Variants in USP32 observed in about 807,000 individuals in gnomAD.
The protein encoded by USP32 is ubiquitin carboxyl-terminal hydrolase 32.
In USP32, 59 loss-of-function variants were observed where a neutral mutation model predicts 204.8. The observed-to-expected ratio is 0.29, with a 90% confidence interval of 0.23 to 0.36. The LOEUF (loss-of-function observed/expected upper bound fraction) is 0.36, where lower values mean the gene tolerates loss of function less well. Ranked by LOEUF, USP32 falls within the 10% of genes least tolerant of loss-of-function variation. USP32 has a pLI of 1.00. For missense variants in USP32, 1,160 were observed against 1,946.4 expected, an observed-to-expected ratio of 0.60 and a Z score of 7.60; for synonymous variants, 517 against 678.4, an observed-to-expected ratio of 0.76 and a Z score of 3.70.
intron 11 of USP32, among the ~76,000 whole-genome samples, chr17:60,241,571 G>C (rs1191477994): frequency 6.6e-6 from 1 of 152,050 alleles, no homozygotes; most frequent in African/African-American, 2.4e-5. Flanking sequence ...CAGGCTCTTA[G>C]AGCTACCCAC....
intron 2 of USP32, among the ~76,000 whole-genome samples, chr17:60,330,904 C>T (rs575542661): frequency 2.2e-4 from 34 of 152,334 alleles, no homozygotes; most frequent in South Asian, 2.1e-3. Flanking sequence ...CTTCTCCCCT[C>T]CATTCCAGGC....
In USP32 at chr17:60,265,962, C is replaced by G; in HGVS notation, c.927+14G>C. 1 of 1,594,978 alleles carries G rather than the reference C, an allele frequency of 6.3e-7. No individual in the cohort carries two copies. Among genetic ancestry groups the G allele is most frequent in the Non-Finnish European group, 8.6e-7 (1 of 1,163,942 alleles). On this transcript the variant is annotated intron_variant, in intron 8 of 33. Transcript: ENST00000300896. The stretch of plus-strand genomic sequence containing the variant: ...AAGTTTATACGCAACAAGACATACA[C>G]AATCATAACTTACAGGAATATCATC...
chr17:60,418,918 A>C (rs1225447581), intron 1 of USP32, among the ~76,000 whole-genome samples: 1 of 152,228 alleles, frequency 6.6e-6, no homozygotes, highest in African/African-American at 2.4e-5. Context: ...TGTTGGTAGG[A>C]GTGTAAATTA....
intron 31 of USP32, 129 bp from the exon 32 acceptor site, chr17:60,181,877 C>T: frequency 7.2e-7 from 1 of 1,388,876 alleles, no homozygotes; most frequent in South Asian, 1.5e-5. Flanking sequence ...TCGTGACTGG[C>T]TACTCTTTAG....
At position 60,392,117 on chromosome 17, in the gene USP32, C is replaced by A. The variant is rs1026647794; in HGVS notation, c.-178G>T. The A allele has an allele frequency of 8.2e-6, 5 of 610,548 alleles. No homozygotes were observed. Among genetic ancestry groups the A allele is most frequent in the Non-Finnish European group, 1.4e-5 (5 of 358,644 alleles). 37.8% of individuals were successfully genotyped at this position (610,548 alleles called of 1,614,324 possible). A position where few individuals can be genotyped will look rare whatever the true frequency, so the allele number is the denominator to read the frequency against. On this transcript the variant is annotated 5_prime_UTR_variant, in exon 1 of 34. In the 5' UTR this introduces an upstream ATG that the reference lacks. Transcript: ENST00000300896. ...GGCTCCTCCCGGTCGCCGCCACCGC[C>A]TCCATGCCGGATCACGTGACTCTTC...
At chr17:60,267,170 G>A (rs2086614183) in intron 7 of USP32, among the ~76,000 whole-genome samples, 1 of 151,976 alleles carries the variant, frequency 6.6e-6, no homozygotes, top group South Asian at 2.1e-4. Flanking sequence ...TACTTTGGGA[G>A]GCCGAGGTGG....
chr17:60,368,424 A>G (rs1035740628), intron 1 of USP32, among the ~76,000 whole-genome samples: 2 of 152,190 alleles, frequency 1.3e-5, no homozygotes, highest in Non-Finnish European at 2.9e-5. Flanking sequence ...AAATCCCAAT[A>G]TAAACATTTA....
Position 60,208,117 on chromosome 17 carries a change from A to T in USP32, c.2867T>A (p.Leu956His). The change falls in exon 24 of 34, where the codon CTC becomes CAC. Residue 956 changes from leucine (L) to histidine (H), a missense_variant. Physicochemically the swap from Leu to His is moderately conservative, Grantham distance 99. Transcript: ENST00000300896. ...GATTTGTTCTGAATTAAGTCCACAG[A>T]GATCACTCAGCTGTTTTTTTAAACC... Reference protein sequence around the residue: ...YTGLKKQLSDLCGLNSEQILL... With the variant: ...YTGLKKQLSDHCGLNSEQILL... The T allele has an allele frequency of 1.2e-6, 2 of 1,603,752 alleles. No homozygotes were observed. The highest frequency in any genetic ancestry group is 1.7e-5 in the Admixed American group (1 of 58,802).
chr17:60,208,881 T>C, intron 22 of USP32, 53 bp from the exon 23 acceptor site: 1 of 1,481,632 alleles, frequency 6.7e-7, no homozygotes. Context: ...GAGAAGCATT[T>C]CTATATAAAT....
At position 60,211,445 on chromosome 17, in the gene USP32, T is replaced by C. The variant is rs2084965520; in HGVS notation, c.2249A>G (p.Gln750Arg). 6.2e-7 allele frequency: 1 copy of C among 1,613,748 alleles called. No homozygotes were observed. The highest frequency in any genetic ancestry group is 8.5e-7 in the Non-Finnish European group (1 of 1,179,816). Residue 750 changes from glutamine to arginine, a missense_variant, in exon 20 of 34, where the codon CAG becomes CGG. Gln to Arg is a conservative substitution (Grantham distance 43). Coordinates refer to ENST00000300896, the MANE Select transcript of USP32 (RefSeq NM_032582.4). Reference sequence around the variant, plus strand: ...CAGTGGCTGTGTGTTACTAACACACTGGATGCTTGAGTTCATGAAGCATGT... The same window carrying C: ...CAGTGGCTGTGTGTTACTAACACACCGGATGCTTGAGTTCATGAAGCATGT... ...GNTCFMNSSIQCVSNTQPLTQ... is the reference protein window; with the variant it reads ...GNTCFMNSSIRCVSNTQPLTQ...
At chr17:60,371,023 G>A (rs1214361648) in intron 1 of USP32, among the ~76,000 whole-genome samples, 1 of 151,280 alleles carries the variant, frequency 6.6e-6, no homozygotes, top group African/African-American at 2.4e-5. Context: ...AGACCAGGAG[G>A]TTGAGACTAT....
intron 9 of USP32, among the ~76,000 whole-genome samples, chr17:60,257,319 G>A (rs1306951662): frequency 6.6e-6 from 1 of 152,126 alleles, no homozygotes; most frequent in East Asian, 1.9e-4. Flanking sequence ...ATGTTACTTC[G>A]TGGATCACAT....
intron 1 of USP32, among the ~76,000 whole-genome samples, chr17:60,379,167 T>C (rs2089604706): frequency 6.6e-6 from 1 of 152,156 alleles, no homozygotes; most frequent in East Asian, 1.9e-4. Flanking sequence ...CTCAAAGATA[T>C]GAGAAAAGCT....
intron 1 of USP32, among the ~76,000 whole-genome samples, chr17:60,362,105 G>A (rs2089219604): frequency 6.6e-6 from 1 of 151,992 alleles, no homozygotes; most frequent in African/African-American, 2.4e-5. Flanking sequence ...TAATCAAAAT[G>A]AACCACCCCA....
chr17:60,298,160 TG>T (rs1312849447), intron 3 of USP32, among the ~76,000 whole-genome samples: 1 of 152,192 alleles, frequency 6.6e-6, no homozygotes, highest in Non-Finnish European at 1.5e-5. Context: ...AAAGTAAACA[TG>T]GGACACATAT....
intron 2 of USP32, among the ~76,000 whole-genome samples, chr17:60,320,988 A>G (rs951833736): frequency 1.3e-5 from 2 of 152,110 alleles, no homozygotes; most frequent in Admixed American, 1.3e-4. Context: ...TACCTCCTAC[A>G]GCTTGGCTCC....
chr17:60,363,093 C>T (rs893471574), intron 1 of USP32, among the ~76,000 whole-genome samples: 5 of 151,966 alleles, frequency 3.3e-5, no homozygotes, highest in African/African-American at 1.2e-4. Flanking sequence ...AGTTCAAGAT[C>T]AGCCTGGGCA....
intron 9 of USP32, among the ~76,000 whole-genome samples, chr17:60,261,683 C>CA (rs777192438): frequency 6.6e-6 from 1 of 151,366 alleles, no homozygotes; most frequent in African/African-American, 2.4e-5. Context: ...AACAAAAAAA[C>CA]AAAAAAAGGA....
chr17:60,291,492 T>G (rs913655468), intron 4 of USP32, among the ~76,000 whole-genome samples: 6 of 152,040 alleles, frequency 3.9e-5, no homozygotes, highest in African/African-American at 1.5e-4. Context: ...ATCTAAGCAC[T>G]AGGTCCTTAT....
Sources: allele counts gnomAD v4.1 joint callset (sites outside exome capture counted in the v4.1 genomes callset), GRCh38; gene constraint gnomAD v4.1.1; transcripts MANE v1.5; gene names NCBI Gene and HGNC (gene_info 2026-07-23, HGNC 2026-07-21).